PLXNA4: variants seen among roughly 807,000 people sequenced by gnomAD.
PLXNA4 encodes the protein plexin A4.
Under a neutral mutation model 191.8 loss-of-function variants are expected in PLXNA4, and 44 were observed. The observed-to-expected ratio is 0.23, with a 90% CI of 0.18 to 0.29. The LOEUF (loss-of-function observed/expected upper bound fraction) is 0.29. PLXNA4 is among the 10% of genes least tolerant of loss of function. The pLI is 1.00. For synonymous variants in PLXNA4, 1,082 were observed against 1,009.5 expected, an observed-to-expected ratio of 1.07 and a Z score of -1.36; for missense variants, 1,800 against 2,488.8, an observed-to-expected ratio of 0.72 and a Z score of 5.89.
Position 132,557,548 on chromosome 7 carries a change from T to TAAA in PLXNA4, c.-87+18873_-87+18874insTTT, listed in dbSNP as rs1554468490. The stretch of plus-strand genomic sequence containing the variant: ...AATTTTCCTTTAATTTATCTTTTTT[T>TAAA]TAAAAAAAAAAAAGTTTTCACCTTT... On this transcript the variant is annotated intron_variant, in intron 1 of 31. Coordinates refer to ENST00000321063, the MANE Select transcript of PLXNA4 (RefSeq NM_020911.2). Among the ~76,000 whole-genome samples, 885 of 111,942 alleles carry TAAA rather than the reference T, an allele frequency of 7.9e-3. 7 individuals are homozygous for TAAA. Among genetic ancestry groups the TAAA allele is most frequent in the Middle Eastern group, 0.048 (11 of 228 alleles). The allele number at this position is 111,942 out of a possible 152,430, so 73.4% of individuals were successfully genotyped here.
chr7:132,401,958 A>G (rs1794004651), intron 3 of PLXNA4, among the ~76,000 whole-genome samples: 1 of 152,160 alleles, frequency 6.6e-6, no homozygotes, highest in Non-Finnish European at 1.5e-5. Flanking sequence ...CGATGGGTAT[A>G]AAAGTAAGCA....
intron 3 of PLXNA4, among the ~76,000 whole-genome samples, chr7:132,467,424 T>G (rs1204944707): frequency 6.6e-6 from 1 of 152,160 alleles, no homozygotes; most frequent in Non-Finnish European, 1.5e-5. Context: ...GACCTTGGCC[T>G]TGTTACTATA....
At chr7:132,455,308 G>A (rs761042281) in intron 3 of PLXNA4, among the ~76,000 whole-genome samples, 3 of 152,174 alleles carry the variant, frequency 2.0e-5, no homozygotes. Context: ...AACTTCAGGG[G>A]TGGGGAGGGG....
At chr7:132,590,745 C>G (rs895885390) in intron 2 of PLXNA4, among the ~76,000 whole-genome samples, 1 of 152,128 alleles carries the variant, frequency 6.6e-6, no homozygotes. Context: ...AAATGTTAAT[C>G]TTCTTTGGCA....
At chr7:132,395,914 T>TG (rs1793737586) in intron 3 of PLXNA4, among the ~76,000 whole-genome samples, 1 of 152,184 alleles carries the variant, frequency 6.6e-6, no homozygotes, top group African/African-American at 2.4e-5. Context: ...TTTCACTGTT[T>TG]GGGGGTATTT....
chr7:132,127,991 C>CAAAAAAAAAA lies in PLXNA4; in HGVS notation c.*2478_*2487dup, dbSNP rs57733965. 9.2e-6 allele frequency: 1 copy of CAAAAAAAAAA among 108,548 alleles called. No homozygotes were observed. Among genetic ancestry groups the CAAAAAAAAAA allele is most frequent in the African/African-American group, 3.6e-5 (1 of 27,468 alleles). 6.7% of individuals were successfully genotyped at this position (108,548 alleles called of 1,614,324 possible). A position where few individuals can be genotyped will look rare whatever the true frequency, so the allele number is the denominator to read the frequency against. On this transcript the variant is annotated 3_prime_UTR_variant, in exon 32 of 32. Transcript: ENST00000321063. ...TGTTTGATTTTTTCTCTTAACTGTG[C>CAAAAAAAAAA]AAAAAAAAAAAAAAAAAATCAAAAT...
At chr7:132,519,623 C>A (rs1799092941) in intron 1 of PLXNA4, among the ~76,000 whole-genome samples, 1 of 152,240 alleles carries the variant, frequency 6.6e-6, no homozygotes, top group African/African-American at 2.4e-5. Flanking sequence ...TGTAGCCTCT[C>A]TAGCTGCTCT....
At chr7:132,186,879 C>T (rs767748414) in intron 15 of PLXNA4, among the ~76,000 whole-genome samples, 4 of 152,120 alleles carry the variant, frequency 2.6e-5, no homozygotes, top group African/African-American at 4.8e-5. Flanking sequence ...CTAACAAATT[C>T]GCCACAAGAT....
At chr7:132,355,211 G>T (rs73158812) in intron 3 of PLXNA4, among the ~76,000 whole-genome samples, 5,411 of 152,220 alleles carry the variant, frequency 0.036, 148 homozygotes, top group Middle Eastern at 0.068. Flanking sequence ...GTTACCGCAG[G>T]GATGACGCTT....
intron 3 of PLXNA4, among the ~76,000 whole-genome samples, chr7:132,365,366 C>T (rs10480503): frequency 3.4e-4 from 42 of 124,450 alleles, no homozygotes; most frequent in African/African-American, 1.0e-3. Context: ...TGTGTGCGTG[C>T]GCGCGCATGC....
At chr7:132,373,224 G>T (rs1804516060) in intron 3 of PLXNA4, among the ~76,000 whole-genome samples, 1 of 152,160 alleles carries the variant, frequency 6.6e-6, no homozygotes, top group African/African-American at 2.4e-5. Flanking sequence ...TGAGTCTCTA[G>T]CTGAACTTCA....
chr7:132,185,531 C>T (rs1274123096), intron 15 of PLXNA4, 68 bp from the exon 16 acceptor site: 1 of 1,535,298 alleles, frequency 6.5e-7, no homozygotes, highest in African/African-American at 1.4e-5. Context: ...GAGTCAAGGC[C>T]CTCCCACACC....
chr7:132,400,727 C>T (rs527544013), intron 3 of PLXNA4, among the ~76,000 whole-genome samples: 1 of 152,296 alleles, frequency 6.6e-6, no homozygotes, highest in African/African-American at 2.4e-5. Flanking sequence ...AGCTACTCCC[C>T]AAACCTTTCA....
intron 13 of PLXNA4, 105 bp downstream of exon 13, chr7:132,198,380 C>G (rs773145836): frequency 7.9e-5 from 116 of 1,462,550 alleles, no homozygotes; most frequent in Non-Finnish European, 9.8e-5. Flanking sequence ...CTCCTTTTTC[C>G]CCCACAACAA....
Position 132,145,153 on chromosome 7 carries a change from C to T in PLXNA4, c.5191G>A (p.Asp1731Asn). 6.2e-7 allele frequency: 1 copy of T among 1,614,168 alleles called. No homozygotes were observed. The highest frequency in any genetic ancestry group is 8.5e-7 in the Non-Finnish European group (1 of 1,180,028). ...DEQADKHGIH[D>N]PHVRHTWKSN... is the part of the protein sequence containing the mutation. ...TTCCAGGTATGGCGGACGTGCGGGT[C>T]ATGAATGCCATGTTTATCAGCCTGC... Residue 1731 changes from aspartate to asparagine, a missense_variant, in exon 29 of 32, where the codon GAC becomes AAC. By Grantham distance (23) the Asp-to-Asn change is conservative. This residue lies in a region of PLXNA4 where 101 missense variants were observed against 182.8 expected (regional missense o/e 0.55). Coordinates refer to ENST00000321063, the MANE Select transcript of PLXNA4 (RefSeq NM_020911.2).
In PLXNA4 at chr7:132,572,430, G is replaced by C. The variant is rs1802018563; in HGVS notation, c.-87+3992C>G. ...TGAAGCCAGTACTAACATCCTCACA[G>C]CCTCTTCCTTTGGGAGGCTGATGCC... is the stretch of plus-strand genomic sequence containing the variant. On this transcript the variant is annotated intron_variant, in intron 1 of 31. Coordinates refer to ENST00000321063, the MANE Select transcript of PLXNA4 (RefSeq NM_020911.2). Among the ~76,000 whole-genome samples the C allele has an allele frequency of 2.0e-5, 3 of 152,176 alleles. No individual in the cohort carries two copies. The South Asian group carries it at 6.2e-4, about 32-fold the overall frequency.
rs531309283 is a variant in PLXNA4, at chr7:132,376,379, T to C, written c.1372-78157A>G. ...TCCATGGAGGAGCAGGATGCTGGGGTTCCTGTGCCCACTGCATCCCAATTA... is the reference window on the plus strand; with the variant it reads ...TCCATGGAGGAGCAGGATGCTGGGGCTCCTGTGCCCACTGCATCCCAATTA... On this transcript the variant is annotated intron_variant, in intron 3 of 31. Transcript: ENST00000321063. Among the ~76,000 whole-genome samples, 4 of 152,196 alleles carry C rather than the reference T, an allele frequency of 2.6e-5. No individual in the cohort carries two copies. The East Asian group carries it at 5.8e-4, about 22-fold the overall frequency.
At chr7:132,545,768 G>T (rs1178615230) in intron 1 of PLXNA4, among the ~76,000 whole-genome samples, 2 of 152,190 alleles carry the variant, frequency 1.3e-5, no homozygotes, top group African/African-American at 2.4e-5. Flanking sequence ...GGGTAGAGGA[G>T]GCTAAGAAAA....
intron 3 of PLXNA4, among the ~76,000 whole-genome samples, chr7:132,423,543 T>C (rs961756877): frequency 1.3e-5 from 2 of 152,198 alleles, no homozygotes; most frequent in Non-Finnish European, 2.9e-5. Context: ...GTCACATGTA[T>C]GCCCATCCAG....
Sources: gnomAD v4.1 joint callset for allele counts (sites outside exome capture counted in the v4.1 genomes callset) on GRCh38, gnomAD v4.1.1 for gene constraint, gnomAD v4.1.1 regional missense constraint, MANE v1.5 for transcripts, NCBI Gene and HGNC (gene_info 2026-07-23, HGNC 2026-07-21) for gene names.